BAZ1B: variants seen among roughly 807,000 people sequenced by gnomAD.
BAZ1B encodes bromodomain adjacent to zinc finger domain 1B, also known as tyrosine-protein kinase BAZ1B.
BAZ1B carries 22 observed loss-of-function variants against 153.8 expected under a neutral mutation model. The ratio of observed to expected loss-of-function variants is 0.14; its 90% CI spans 0.10 to 0.20. The LOEUF (loss-of-function observed/expected upper bound fraction) is 0.20, where lower values mean the gene tolerates loss of function less well. BAZ1B is among the 10% of genes least tolerant of loss of function. The pLI is 1.00. For missense variants in BAZ1B, 1,325 were observed against 1,799.3 expected, an observed-to-expected ratio of 0.74 and a Z score of 4.77; for synonymous variants, 676 against 633.4, an observed-to-expected ratio of 1.07 and a Z score of -1.01.
chr7:73,462,876 T>C (rs1257322220), intron 12 of BAZ1B, 46 bp downstream of exon 12: 3 of 1,591,522 alleles, frequency 1.9e-6, no homozygotes, highest in African/African-American at 1.3e-5. Context: ...GAACTTCAGA[T>C]TGAGTTGCCA....
At chr7:73,515,801 C>T (rs1363035652) in intron 1 of BAZ1B, among the ~76,000 whole-genome samples, 1 of 152,132 alleles carries the variant, frequency 6.6e-6, no homozygotes, top group Non-Finnish European at 1.5e-5. Context: ...CTCAGCCTCC[C>T]AAAGTGCTGG....
At chr7:73,486,603 GGCGTGAGC>G (rs577589020) in intron 6 of BAZ1B, among the ~76,000 whole-genome samples, 240 of 152,290 alleles carry the variant, frequency 1.6e-3, no homozygotes, top group African/African-American at 5.5e-3. Flanking sequence ...TAGGATTACA[GGCGTGAGC>G]CACTGCGCCT....
At chr7:73,446,665 AC>A (rs1554566718) in intron 16 of BAZ1B, among the ~76,000 whole-genome samples, 1 of 152,188 alleles carries the variant, frequency 6.6e-6, no homozygotes, top group Non-Finnish European at 1.5e-5. Context: ...TGAGAAATGA[AC>A]ATGAGAGAAT....
intron 8 of BAZ1B, 79 bp downstream of exon 8, chr7:73,470,266 T>C: frequency 2.1e-6 from 3 of 1,423,030 alleles, no homozygotes; most frequent in South Asian, 1.5e-5. Context: ...TTGTCTATTC[T>C]TGTACTTTAG....
chr7:73,491,457 G>C (rs1789640668), intron 5 of BAZ1B, among the ~76,000 whole-genome samples: 1 of 152,050 alleles, frequency 6.6e-6, no homozygotes, highest in Non-Finnish European at 1.5e-5. Context: ...AAATTAGTCA[G>C]GCATGGTGAT....
intron 6 of BAZ1B, among the ~76,000 whole-genome samples, chr7:73,488,420 A>C (rs1789501513): frequency 6.6e-6 from 1 of 152,126 alleles, no homozygotes; most frequent in Non-Finnish European, 1.5e-5. Context: ...GGAAAATCAA[A>C]AGTGAGGATT....
intron 16 of BAZ1B, among the ~76,000 whole-genome samples, chr7:73,444,358 C>T (rs1173631278): frequency 6.6e-6 from 1 of 152,192 alleles, no homozygotes; most frequent in Non-Finnish European, 1.5e-5. Flanking sequence ...TGCCAAAGCC[C>T]TTCAGAGGGC....
chr7:73,475,453 G>GA (rs1222704668), intron 7 of BAZ1B, among the ~76,000 whole-genome samples: 3 of 152,146 alleles, frequency 2.0e-5, no homozygotes, highest in Admixed American at 6.5e-5. Context: ...CATGCTAAGT[G>GA]AAAAAAGCCA....
Position 73,522,190 on chromosome 7 carries a change from C to G in BAZ1B, c.-257G>C, listed in dbSNP as rs1203861559. ...CCCCCGCCGACCTCCGCTTCGGGTC[C>G]CGGCGGCCGGCAGTCACGACTCCTC... On this transcript the variant is annotated 5_prime_UTR_variant, in exon 1 of 20. Transcript: ENST00000339594. 2.3e-5 allele frequency: 9 copies of G among 393,092 alleles called. No individual in the cohort carries two copies. The highest frequency in any genetic ancestry group is 4.0e-5 in the Non-Finnish European group (9 of 222,688). 24.4% of individuals were successfully genotyped at this position (393,092 alleles called of 1,614,324 possible).
At chr7:73,463,221 T>G in intron 11 of BAZ1B, 122 bp from the exon 12 acceptor site, 1 of 839,306 alleles carries the variant, frequency 1.2e-6, no homozygotes, top group Non-Finnish European at 1.8e-6. Context: ...CACCTCTCCC[T>G]GGTGTTTTTT....
chr7:73,502,942 CTTCT>C (rs1407307610), intron 3 of BAZ1B, among the ~76,000 whole-genome samples: 8 of 152,318 alleles, frequency 5.3e-5, no homozygotes, highest in African/African-American at 1.4e-4. Context: ...TCTTCTGCGA[CTTCT>C]TTCAAGTTCA....
At chr7:73,508,839 C>T (rs1790455294) in intron 2 of BAZ1B, among the ~76,000 whole-genome samples, 1 of 151,744 alleles carries the variant, frequency 6.6e-6, no homozygotes, top group African/African-American at 2.4e-5. Context: ...CGATGAAACC[C>T]CATCTCTACT....
chr7:73,521,498 C>A (rs1245415262), intron 1 of BAZ1B, among the ~76,000 whole-genome samples: 5 of 152,206 alleles, frequency 3.3e-5, no homozygotes, highest in African/African-American at 7.2e-5. Context: ...TCCTCCCTCT[C>A]GGGTCCTCAA....
intron 15 of BAZ1B, among the ~76,000 whole-genome samples, chr7:73,449,188 A>G (rs1554567460): frequency 1.3e-5 from 2 of 152,206 alleles, no homozygotes; most frequent in African/African-American, 2.4e-5. Context: ...TCGGTAAGGA[A>G]GGTAATGAGT....
chr7:73,484,990 A>T (rs73702537), intron 6 of BAZ1B, among the ~76,000 whole-genome samples: 120 of 152,324 alleles, frequency 7.9e-4, no homozygotes, highest in African/African-American at 2.9e-3. Flanking sequence ...ATTACTGAAG[A>T]ACTGGGAAAA....
chr7:73,485,586 C>A (rs2116365866), intron 6 of BAZ1B, among the ~76,000 whole-genome samples: 1 of 148,876 alleles, frequency 6.7e-6, no homozygotes, highest in Admixed American at 6.7e-5. Context: ...GATCATTCCA[C>A]TGCTCTCTAA....
chr7:73,464,190 A>G (rs1411499314), intron 11 of BAZ1B: 1 of 983,736 alleles, frequency 1.0e-6, no homozygotes, highest in African/African-American at 1.7e-5. Context: ...TCTCTCTTCC[A>G]TCAAACCTAA....
intron 3 of BAZ1B, among the ~76,000 whole-genome samples, chr7:73,506,944 T>C (rs1233409253): frequency 1.5e-5 from 2 of 136,424 alleles, no homozygotes; most frequent in Admixed American, 7.4e-5. Context: ...AGTGGCACGA[T>C]CTCGGCTCAC....
At chr7:73,506,838 C>T (rs1790363292) in intron 3 of BAZ1B, among the ~76,000 whole-genome samples, 2 of 136,066 alleles carry the variant, frequency 1.5e-5, no homozygotes, top group African/African-American at 2.7e-5. Context: ...GCGACAAGAG[C>T]GAGACTCCAC....
Sources: gnomAD v4.1 joint callset for allele counts (sites outside exome capture counted in the v4.1 genomes callset) on GRCh38, gnomAD v4.1.1 for gene constraint, MANE v1.5 for transcripts, NCBI Gene and HGNC (gene_info 2026-07-23, HGNC 2026-07-21) for gene names.